Variants in TOX observed in about 807,000 individuals in gnomAD.
TOX encodes the protein thymocyte selection associated high mobility group box, also known as thymocyte selection-associated high mobility group box protein TOX.
In TOX, 11 loss-of-function variants were observed where a neutral mutation model predicts 53.7. That is an observed-to-expected ratio of 0.20 (90% CI 0.13 to 0.34). The LOEUF (loss-of-function observed/expected upper bound fraction) is 0.34, where lower values mean the gene tolerates loss of function less well. Among genes scored for constraint, TOX ranks in the 10% least tolerant of loss-of-function variants. TOX has a pLI of 1.00. For missense variants in TOX, 570 were observed against 664.6 expected, an observed-to-expected ratio of 0.86 and a Z score of 1.56; for synonymous variants, 225 against 245.3, an observed-to-expected ratio of 0.92 and a Z score of 0.77.
intron 2 of TOX, among the ~76,000 whole-genome samples, chr8:58,956,209 A>C (rs1369444236): frequency 1.3e-5 from 2 of 152,228 alleles, no homozygotes; most frequent in Non-Finnish European, 2.9e-5. Flanking sequence ...TTTATATCTT[A>C]ACAACAGCCT....
At chr8:58,915,035 T>C (rs1811984663) in intron 3 of TOX, among the ~76,000 whole-genome samples, 1 of 148,974 alleles carries the variant, frequency 6.7e-6, no homozygotes, top group Non-Finnish European at 1.5e-5. Flanking sequence ...ATCCCACACC[T>C]GGCTCAGAGG....
chr8:58,887,671 T>G (rs1190410377), intron 3 of TOX, among the ~76,000 whole-genome samples: 1 of 152,032 alleles, frequency 6.6e-6, no homozygotes, highest in Admixed American at 6.6e-5. Context: ...AGATTTTAAT[T>G]TTATTTCTCA....
At chr8:58,860,256 A>T (rs544575660) in intron 3 of TOX, among the ~76,000 whole-genome samples, 32 of 152,038 alleles carry the variant, frequency 2.1e-4, no homozygotes, top group Admixed American at 3.3e-4. Flanking sequence ...AAAGAGGATA[A>T]TTTTTCACCA....
intron 1 of TOX, among the ~76,000 whole-genome samples, chr8:58,994,162 AGT>A (rs1813510450): frequency 1.3e-5 from 2 of 152,170 alleles, no homozygotes; most frequent in South Asian, 4.1e-4. Context: ...ATTGTTTGTC[AGT>A]AATGTATTGA....
chr8:58,969,934 G>A (rs1812972977), intron 1 of TOX, among the ~76,000 whole-genome samples: 1 of 152,134 alleles, frequency 6.6e-6, no homozygotes, highest in Non-Finnish European at 1.5e-5. Flanking sequence ...ACCATGTGAT[G>A]CCCTTTTGCT....
At chr8:59,046,751 G>C (rs1218237238) in intron 1 of TOX, among the ~76,000 whole-genome samples, 4 of 149,458 alleles carry the variant, frequency 2.7e-5, no homozygotes, top group Admixed American at 6.8e-5. Flanking sequence ...TCAGCTACTT[G>C]GGAGGCTGAG....
In TOX at chr8:58,833,964, C is replaced by A. The variant is rs1429221805; in HGVS notation, c.924+4117G>T. Among the ~76,000 whole-genome samples the A allele has an allele frequency of 3.3e-5, 5 of 152,082 alleles. No individual in the cohort carries two copies. In the South Asian group the frequency reaches 8.3e-4, roughly 25 times the overall value. ...TCTTTGAAAGATTCTTCACAGAAAC[C>A]AAAGTACATATTGTTTCTCACTCAC... On this transcript the variant is annotated intron_variant, in intron 5 of 8. Transcript: ENST00000361421.
chr8:59,063,574 C>G (rs938599993), intron 1 of TOX, among the ~76,000 whole-genome samples: 2 of 151,858 alleles, frequency 1.3e-5, no homozygotes, highest in African/African-American at 4.8e-5. Context: ...CAGGTGCATG[C>G]CACCACGCCG....
At chr8:58,984,077 T>C (rs1278164411) in intron 1 of TOX, among the ~76,000 whole-genome samples, 1 of 152,216 alleles carries the variant, frequency 6.6e-6, no homozygotes, top group Non-Finnish European at 1.5e-5. Flanking sequence ...ACCCATCTGA[T>C]GGATAAAAGC....
chr8:58,985,008 A>G (rs76348012), intron 1 of TOX, among the ~76,000 whole-genome samples: 28,635 of 150,428 alleles, frequency 0.19, 2,968 homozygotes, highest in Non-Finnish European at 0.22. Flanking sequence ...TATATAGACT[A>G]TGGACATAAC....
At chr8:59,106,532 T>A (rs1804906274) in intron 1 of TOX, among the ~76,000 whole-genome samples, 2 of 152,152 alleles carry the variant, frequency 1.3e-5, no homozygotes, top group African/African-American at 2.4e-5. Flanking sequence ...AAGAAATGAA[T>A]AACAAATGAC....
intron 6 of TOX, 114 bp downstream of exon 6, chr8:58,826,708 A>C: frequency 1.1e-6 from 1 of 900,890 alleles, no homozygotes; most frequent in Non-Finnish European, 1.6e-6. Flanking sequence ...TTTTTTTTCC[A>C]ACAAAGAAGA....
At chr8:58,936,636 T>C (rs1812349685) in intron 3 of TOX, among the ~76,000 whole-genome samples, 1 of 152,226 alleles carries the variant, frequency 6.6e-6, no homozygotes, top group African/African-American at 2.4e-5. Context: ...AGATAGCTCC[T>C]GATTCTTCCA....
chr8:58,841,791 A>C (rs1394887077), intron 4 of TOX, among the ~76,000 whole-genome samples: 3 of 152,220 alleles, frequency 2.0e-5, no homozygotes, highest in African/African-American at 4.8e-5. Context: ...TTTATTTGTC[A>C]ATTATACCTC....
chr8:59,000,437 T>G (rs1242287383), intron 1 of TOX, among the ~76,000 whole-genome samples: 1 of 152,174 alleles, frequency 6.6e-6, no homozygotes, highest in African/African-American at 2.4e-5. Context: ...AAAAATGAGC[T>G]GGATGCTATA....
intron 3 of TOX, among the ~76,000 whole-genome samples, chr8:58,907,493 G>A (rs1265292730): frequency 6.6e-6 from 1 of 152,052 alleles, no homozygotes; most frequent in East Asian, 1.9e-4. Flanking sequence ...TACTGAGGAG[G>A]CTAAGTCAGG....
At chr8:59,099,511 GA>G (rs57917599) in intron 1 of TOX, among the ~76,000 whole-genome samples, 1 of 152,108 alleles carries the variant, frequency 6.6e-6, no homozygotes, top group South Asian at 2.1e-4. Context: ...TAAGCACTGT[GA>G]AAAAAACCTG....
At chr8:58,984,655 C>T (rs1208085711) in intron 1 of TOX, among the ~76,000 whole-genome samples, 2 of 151,828 alleles carry the variant, frequency 1.3e-5, no homozygotes, top group African/African-American at 2.4e-5. Flanking sequence ...TGGTGGCGGG[C>T]GTCTGTAGTC....
chr8:58,871,217 T>C (rs1224429977), intron 3 of TOX, among the ~76,000 whole-genome samples: 1 of 150,244 alleles, frequency 6.7e-6, no homozygotes, highest in Non-Finnish European at 1.5e-5. Flanking sequence ...CTTCCAATTA[T>C]ATGTGGACAG....
Sources: gnomAD v4.1 joint callset for allele counts (sites outside exome capture counted in the v4.1 genomes callset) on GRCh38, gnomAD v4.1.1 for gene constraint, MANE v1.5 for transcripts, NCBI Gene and HGNC (gene_info 2026-07-23, HGNC 2026-07-21) for gene names.